NWD2: variants seen among roughly 807,000 people sequenced by gnomAD.
NWD2 encodes the protein NACHT and WD repeat domain-containing protein 2.
Under a neutral mutation model 132.7 loss-of-function variants are expected in NWD2, and 37 were observed. The observed-to-expected ratio is 0.28, with a 90% confidence interval of 0.21 to 0.37. NWD2 has a LOEUF of 0.37. NWD2 is among the 10% of genes least tolerant of loss of function. The pLI is 1.00. For synonymous variants in NWD2, 705 were observed against 803.0 expected (o/e 0.88, Z 2.06); for missense variants, 1,592 against 2,122.4 (o/e 0.75, Z 4.91).
chr4:37,386,267 TACACAC>T (rs35363059), intron 3 of NWD2, among the ~76,000 whole-genome samples: 4 of 150,444 alleles, frequency 2.7e-5, no homozygotes, highest in African/African-American at 9.8e-5. Context: ...TAAACTACAG[TACACAC>T]ACACACACAC....
rs78653572 is a variant in NWD2, at chr4:37,252,933, T to C, written c.151+7715T>C. Among the ~76,000 whole-genome samples, 39 of 152,252 alleles carry C rather than the reference T, an allele frequency of 2.6e-4. 1 individual carries two copies. In the East Asian group the frequency reaches 6.9e-3, roughly 27 times the overall value. ...GGGAGAATTAGACCCCATTTATTAA[T>C]GTGAGAAGAAGTATGTGCATACAGG... On this transcript the variant is annotated intron_variant, in intron 1 of 6. Coordinates refer to ENST00000309447, the MANE Select transcript of NWD2 (RefSeq NM_001144990.2).
chr4:37,302,939 T>G (rs2109277174), intron 1 of NWD2, among the ~76,000 whole-genome samples: 1 of 152,344 alleles, frequency 6.6e-6, no homozygotes, highest in East Asian at 1.9e-4. Context: ...TCTTGTGCTG[T>G]GAAGACACTT....
At chr4:37,326,944 T>C (rs901527350) in intron 2 of NWD2, among the ~76,000 whole-genome samples, 2 of 152,168 alleles carry the variant, frequency 1.3e-5, no homozygotes, top group African/African-American at 4.8e-5. Context: ...CGAAATGGCT[T>C]CAATCTCAAT....
chr4:37,269,414 A>G (rs1165909013), intron 1 of NWD2, among the ~76,000 whole-genome samples: 1 of 151,900 alleles, frequency 6.6e-6, no homozygotes, highest in East Asian at 1.9e-4. Flanking sequence ...ATACAATGAA[A>G]TGCATCTTAA....
intron 1 of NWD2, among the ~76,000 whole-genome samples, chr4:37,260,366 A>C (rs1200166611): frequency 6.6e-6 from 1 of 152,144 alleles, no homozygotes; most frequent in Non-Finnish European, 1.5e-5. Flanking sequence ...TTTGAGCTGC[A>C]GTATTGCATT....
At chr4:37,353,216 G>A (rs942348884) in intron 2 of NWD2, among the ~76,000 whole-genome samples, 62 of 152,202 alleles carry the variant, frequency 4.1e-4, no homozygotes, top group Non-Finnish European at 1.9e-4. Flanking sequence ...TCTACAGAGA[G>A]ATTTACTGTT....
rs758829848 is a variant in NWD2 at position 37,245,236 on chromosome 4, G to T, written c.151+18G>T. The T allele has an allele frequency of 2.6e-5, 39 of 1,523,008 alleles. No homozygotes were observed. In the African/African-American group the frequency reaches 4.6e-4, roughly 18 times the overall value. 94.3% of individuals were successfully genotyped at this position (1,523,008 alleles called of 1,614,324 possible). A position where few individuals can be genotyped will look rare whatever the true frequency, so the allele number is the denominator to read the frequency against. ...CCCTGAAGGTACGTCCCTCGCTCGG[G>T]TTTGCCCGTCCGTCCTTCTGTCCGT... is the stretch of plus-strand genomic sequence containing the variant. On this transcript the variant is annotated intron_variant, in intron 1 of 6. Transcript: ENST00000309447.
chr4:37,446,024 A>T lies in NWD2; in HGVS notation c.4036A>T (p.Ser1346Cys). 6.4e-7 allele frequency: 1 copy of T among 1,551,776 alleles called. No individual in the cohort carries two copies. Among genetic ancestry groups the T allele is most frequent in the Non-Finnish European group, 8.7e-7 (1 of 1,147,000 alleles). Residue 1346 changes from serine (S) to cysteine (C), a missense_variant, in exon 7 of 7, where the codon AGC (serine) becomes TGC (cysteine). Ser to Cys is a moderately radical substitution (Grantham distance 112, BLOSUM62 -1). Coordinates refer to ENST00000309447, the MANE Select transcript of NWD2 (RefSeq NM_001144990.2). This position sits in a 1 kb window ranked among gnomAD's most constrained non-coding sequence, Gnocchi z 6.7. ...GSDCVHKWNF[S>C]SGFIEAVFKH... Reference sequence around the variant, plus strand: ...CGATTGTGTTCATAAGTGGAACTTCAGCAGTGGCTTCATCGAAGCAGTATT... The same window carrying T: ...CGATTGTGTTCATAAGTGGAACTTCTGCAGTGGCTTCATCGAAGCAGTATT...
At chr4:37,341,488 A>G (rs969131431) in intron 2 of NWD2, among the ~76,000 whole-genome samples, 4 of 152,214 alleles carry the variant, frequency 2.6e-5, no homozygotes, top group African/African-American at 9.6e-5. Context: ...GTGTGAGTGC[A>G]TGTATGTATA....
intron 3 of NWD2, among the ~76,000 whole-genome samples, chr4:37,412,324 A>T (rs1721176122): frequency 6.6e-6 from 1 of 152,232 alleles, no homozygotes; most frequent in South Asian, 2.1e-4. Flanking sequence ...AATCACAAGC[A>T]TTCCTATACA....
At chr4:37,315,490 C>T (rs1718937947) in intron 1 of NWD2, among the ~76,000 whole-genome samples, 1 of 151,374 alleles carries the variant, frequency 6.6e-6, no homozygotes, top group African/African-American at 2.4e-5. Flanking sequence ...AGTTTTTTTT[C>T]CTCTAGTAGT....
chr4:37,277,283 T>C (rs1316917872), intron 1 of NWD2, among the ~76,000 whole-genome samples: 2 of 152,104 alleles, frequency 1.3e-5, no homozygotes, highest in Admixed American at 6.6e-5. Context: ...TTGTGTCTCA[T>C]TGAGCTTCTT....
intron 3 of NWD2, among the ~76,000 whole-genome samples, chr4:37,420,603 A>T (rs1577697846): frequency 6.6e-6 from 1 of 152,336 alleles, no homozygotes; most frequent in South Asian, 2.1e-4. Flanking sequence ...GAATCGCTTG[A>T]ACCCAGAAGG....
At chr4:37,328,587 T>C (rs1320129280) in intron 2 of NWD2, among the ~76,000 whole-genome samples, 1 of 152,188 alleles carries the variant, frequency 6.6e-6, no homozygotes, top group Non-Finnish European at 1.5e-5. Context: ...ATCTTTTTTA[T>C]GGCTGCATAG....
intron 3 of NWD2, among the ~76,000 whole-genome samples, chr4:37,377,260 T>C (rs572756496): frequency 6.6e-6 from 1 of 152,234 alleles, no homozygotes; most frequent in Non-Finnish European, 1.5e-5. Context: ...GCAAATTAAG[T>C]GCTCACTTCC....
At chr4:37,411,092 A>C (rs1425394771) in intron 3 of NWD2, among the ~76,000 whole-genome samples, 1 of 152,214 alleles carries the variant, frequency 6.6e-6, no homozygotes. Flanking sequence ...GAATTAGAGA[A>C]GCAACAGCAA....
intron 3 of NWD2, among the ~76,000 whole-genome samples, chr4:37,373,396 G>A (rs898520147): frequency 6.6e-6 from 1 of 152,210 alleles, no homozygotes; most frequent in Non-Finnish European, 1.5e-5. Context: ...GTTCATTGCT[G>A]TATATGTACA....
chr4:37,311,182 A>G (rs1577663902), intron 1 of NWD2, among the ~76,000 whole-genome samples: 3 of 152,250 alleles, frequency 2.0e-5, no homozygotes, highest in African/African-American at 7.2e-5. Context: ...TGGTATTTCC[A>G]GTTCTAGATC....
intron 3 of NWD2, among the ~76,000 whole-genome samples, chr4:37,408,235 G>A (rs1381310835): frequency 3.2e-5 from 4 of 124,236 alleles, no homozygotes; most frequent in African/African-American, 5.1e-5. Flanking sequence ...GGTCTGGCTC[G>A]GCAGGTCCCA....
Sources: allele counts gnomAD v4.1 joint callset (sites outside exome capture counted in the v4.1 genomes callset), GRCh38; gene constraint gnomAD v4.1.1; non-coding constraint Gnocchi (gnomAD v3.1); transcripts MANE v1.5; gene names NCBI Gene and HGNC (gene_info 2026-07-23, HGNC 2026-07-21).